The following ANKRD61 variants were observed in gnomAD, a reference collection of about 807,000 sequenced individuals.
The protein encoded by ANKRD61 is ankyrin repeat domain 61.
In ANKRD61, 7 loss-of-function variants were observed where a neutral mutation model predicts 8.4. That is an observed-to-expected ratio of 0.84 (90% CI 0.48 to 1.57). ANKRD61 has a LOEUF of 1.57. ANKRD61 is among the 40% of genes most tolerant of loss of function. The probability of loss-of-function intolerance (pLI) is 0.00; values close to 1 mark genes in which losing one functional copy is unlikely to be tolerated. For missense variants in ANKRD61, 516 were observed against 523.4 expected (o/e 0.99, Z 0.14); for synonymous variants, 198 against 208.0 (o/e 0.95, Z 0.41).
In ANKRD61 at chr7:6,032,607, T is replaced by C. The variant is rs1369870779; in HGVS notation, c.217-232T>C. On this transcript the variant is annotated intron_variant, in intron 1 of 2. Coordinates refer to ENST00000409061, the MANE Select transcript of ANKRD61 (RefSeq NM_001271700.2). The surrounding 1 kb of genome is among the most constrained non-coding windows in gnomAD (Gnocchi z 4.3). ...CAAAGCTTTTGAGTGTTATTTCTGT[T>C]GCCTCAGTAAATGTGCATTTCTGTG... is the stretch of plus-strand genomic sequence containing the variant. 6.6e-6 allele frequency among the ~76,000 whole-genome samples: 1 copy of C among 152,262 alleles called. No individual in the cohort carries two copies. Among genetic ancestry groups the C allele is most frequent in the Non-Finnish European group, 1.5e-5 (1 of 68,048 alleles).
intron 2 of ANKRD61, among the ~76,000 whole-genome samples, chr7:6,034,957 C>T (rs770860348): frequency 2.0e-5 from 3 of 152,112 alleles, no homozygotes; most frequent in East Asian, 1.9e-4. Flanking sequence ...AAGGAGTCAA[C>T]GGGAGTTCGG....
rs1288578266 is a variant in ANKRD61, at chr7:6,031,382, A to C, written c.7A>C (p.Asn3His). Residue 3 changes from asparagine (N) to histidine (H), a missense_variant, in exon 1 of 3, where the codon AAT (asparagine) becomes CAT (histidine). Physicochemically the swap from Asn to His is moderately conservative, Grantham distance 68. Transcript: ENST00000409061. ...GAAGTCTTAAGTTTTTCTCATGGGG[A>C]ATATAACCAGGAAAGGAAGCAGAGA... MG[N>H]ITRKGSRDLV... The C allele has an allele frequency of 1.3e-6, 2 of 1,550,476 alleles. No homozygotes were observed. Among genetic ancestry groups the C allele is most frequent in the African/African-American group, 2.7e-5 (2 of 73,000 alleles).
Position 6,035,506 on chromosome 7 carries a change from C to G in ANKRD61, c.377C>G (p.Thr126Arg). 1.3e-6 allele frequency: 2 copies of G among 1,551,140 alleles called. No homozygotes were observed. Among genetic ancestry groups the G allele is most frequent in the South Asian group, 1.2e-5 (1 of 84,058 alleles). ...CTGCACTGGCCAGTCACTTCCACCA[C>G]GTGGGCAAAACCAGGCAACAGAACG... ...MLLHWPVTST[T>R]WAKPGNRTHR... Residue 126 changes from threonine to arginine, a missense_variant, in exon 3 of 3, where the codon ACG (threonine) becomes AGG (arginine). Thr to Arg is a moderately conservative substitution (Grantham distance 71). Transcript: ENST00000409061. The surrounding 1 kb of genome is among the most constrained non-coding windows in gnomAD (Gnocchi z 5.5).
rs965807363 is a variant in ANKRD61 at position 6,032,830 on chromosome 7, C to T, written c.217-9C>T. 7 of 1,549,502 alleles carry T rather than the reference C, an allele frequency of 4.5e-6. No individual in the cohort carries two copies. Among genetic ancestry groups the T allele is most frequent in the Non-Finnish European group, 6.1e-6 (7 of 1,145,874 alleles). On this transcript the variant is annotated splice_polypyrimidine_tract_variant and intron_variant, in intron 1 of 2. Transcript: ENST00000409061. The surrounding 1 kb of genome is among the most constrained non-coding windows in gnomAD (Gnocchi z 4.3). ...GCCACTTGTAATGTGTTTTGTTTTC[C>T]CTCCAAAGCCGACAGAGTCTATCAT... is the stretch of plus-strand genomic sequence containing the variant.
chr7:6,036,314 C>G lies in ANKRD61; in HGVS notation c.1185C>G (p.His395Gln). 1 of 1,545,614 alleles carries G rather than the reference C, an allele frequency of 6.5e-7. No individual in the cohort carries two copies. Among genetic ancestry groups the G allele is most frequent in the Non-Finnish European group, 8.7e-7 (1 of 1,145,462 alleles). ...RNIYGEKYKQ[H>Q]LKQFLPVTIW... The stretch of plus-strand genomic sequence containing the variant: ...TTTATGGTGAGAAATACAAACAGCA[C>G]TTGAAGCAATTCCTCCCAGTGACAA... Residue 395 changes from histidine (H) to glutamine (Q), a missense_variant, in exon 3 of 3, where the codon CAC becomes CAG. By Grantham distance (24) the His-to-Gln change is conservative. Transcript: ENST00000409061. This position sits in a 1 kb window ranked among gnomAD's most constrained non-coding sequence, Gnocchi z 4.6.
chr7:6,034,786 G>A (rs867745563), intron 2 of ANKRD61, among the ~76,000 whole-genome samples: 1 of 152,186 alleles, frequency 6.6e-6, no homozygotes, highest in Non-Finnish European at 1.5e-5. Flanking sequence ...GCGCTTCTGA[G>A]ATGAGGGCCA....
rs1320367675 is a variant in ANKRD61, at chr7:6,032,470, C to A, written c.217-369C>A. Among the ~76,000 whole-genome samples, 3 of 152,234 alleles carry A rather than the reference C, an allele frequency of 2.0e-5. No individual in the cohort carries two copies. In the South Asian group the frequency reaches 6.2e-4, roughly 31 times the overall value. On this transcript the variant is annotated intron_variant, in intron 1 of 2. Coordinates refer to ENST00000409061, the MANE Select transcript of ANKRD61 (RefSeq NM_001271700.2). This position sits in a 1 kb window ranked among gnomAD's most constrained non-coding sequence, Gnocchi z 4.3. ...TAATACGACTTTGGCAACGACACAG[C>A]ACCTACTTGTCCATCACCCTGTGGG...
rs1788065228 is a variant in ANKRD61, at chr7:6,035,865, G to GC, written c.737dup (p.Ser247IlefsTer38). On this transcript the variant is annotated frameshift_variant, in exon 3 of 3. Transcript: ENST00000409061. LOFTEE classifies it low-confidence loss of function (END_TRUNC). This position sits in a 1 kb window ranked among gnomAD's most constrained non-coding sequence, Gnocchi z 5.5. The stretch of plus-strand genomic sequence containing the variant: ...GCCCCTGAAGCTTGCAGTGTGCACT[G>GC]CATCAAGCAAAGCAGGCCGACTCCT... The GC allele has an allele frequency of 1.6e-5, 24 of 1,547,728 alleles. No individual in the cohort carries two copies. Among genetic ancestry groups the GC allele is most frequent in the Non-Finnish European group, 2.0e-5 (23 of 1,145,010 alleles).
Position 6,035,763 on chromosome 7 carries a change from C to T in ANKRD61, c.634C>T (p.Leu212=). The T allele has an allele frequency of 6.4e-7, 1 of 1,551,130 alleles. No individual in the cohort carries two copies. The highest frequency in any genetic ancestry group is 2.4e-5 in the East Asian group (1 of 40,930). Residue 212 remains leucine, a synonymous_variant, in exon 3 of 3, where the codon CTG becomes TTG. Coordinates refer to ENST00000409061, the MANE Select transcript of ANKRD61 (RefSeq NM_001271700.2). This position sits in a 1 kb window ranked among gnomAD's most constrained non-coding sequence, Gnocchi z 5.5. The part of the protein sequence containing the change: ...MTPLHMAANM[L]NKEMMETLIA... ...ACCCCTTCACATGGCCGCAAACATG[C>T]TGAATAAGGAGATGATGGAAACGCT...
chr7:6,032,861 T>C lies in ANKRD61; in HGVS notation c.239T>C (p.Ile80Thr). ...LTQPTESIIP[I>T]HLAAKYHKAQ... is the part of the protein sequence containing the mutation. ...AAGCCGACAGAGTCTATCATCCCCA[T>C]CCATCTGGCTGCCAAGTACCACAAG... is the stretch of plus-strand genomic sequence containing the variant. Residue 80 changes from isoleucine to threonine, a missense_variant, in exon 2 of 3, where the codon ATC becomes ACC. Coordinates refer to ENST00000409061, the MANE Select transcript of ANKRD61 (RefSeq NM_001271700.2). This position sits in a 1 kb window ranked among gnomAD's most constrained non-coding sequence, Gnocchi z 4.3. 1.9e-6 allele frequency: 3 copies of C among 1,551,020 alleles called. No homozygotes were observed. Among genetic ancestry groups the C allele is most frequent in the Non-Finnish European group, 2.6e-6 (3 of 1,146,978 alleles).
At chr7:6,031,832 T>C (rs375964489) in intron 1 of ANKRD61, among the ~76,000 whole-genome samples, 1 of 152,192 alleles carries the variant, frequency 6.6e-6, no homozygotes, top group Non-Finnish European at 1.5e-5. Flanking sequence ...ATTCATGTCA[T>C]CTCTCAAACA....
intron 2 of ANKRD61, among the ~76,000 whole-genome samples, chr7:6,034,781 T>C (rs1311465868): frequency 1.3e-5 from 2 of 152,218 alleles, no homozygotes; most frequent in African/African-American, 4.8e-5. Context: ...TGAAAGCGCT[T>C]CTGAGATGAG....
Position 6,032,970 on chromosome 7 carries a change from T to C in ANKRD61, c.314+34T>C, listed in dbSNP as rs1159349594. On this transcript the variant is annotated intron_variant, in intron 2 of 2. Transcript: ENST00000409061. The surrounding 1 kb of genome is among the most constrained non-coding windows in gnomAD (Gnocchi z 4.3). The stretch of plus-strand genomic sequence containing the variant: ...ACTCCACCGAAAATCATTTCTTTTT[T>C]TTTCTTTTTTGTTTTGAGGCAGGGG... 1 of 1,528,456 alleles carries C rather than the reference T, an allele frequency of 6.5e-7. No homozygotes were observed. Among genetic ancestry groups the C allele is most frequent in the South Asian group, 1.2e-5 (1 of 83,490 alleles). The allele number at this position is 1,528,456 out of a possible 1,614,324, so 94.7% of individuals were successfully genotyped here. A position where few individuals can be genotyped will look rare whatever the true frequency, so the allele number is the denominator to read the frequency against.
At position 6,032,697 on chromosome 7, in the gene ANKRD61, A is replaced by C. The variant is rs1426171652; in HGVS notation, c.217-142A>C. The C allele has an allele frequency of 1.8e-6, 1 of 570,640 alleles. No individual in the cohort carries two copies. The highest frequency in any genetic ancestry group is 3.0e-6 in the Non-Finnish European group (1 of 334,460). The allele number at this position is 570,640 out of a possible 1,614,324, so 35.3% of individuals were successfully genotyped here. A position where few individuals can be genotyped will look rare whatever the true frequency, so the allele number is the denominator to read the frequency against. On this transcript the variant is annotated intron_variant, in intron 1 of 2. Transcript: ENST00000409061. This position sits in a 1 kb window ranked among gnomAD's most constrained non-coding sequence, Gnocchi z 4.3. ...TCATTTAAAACAGGTAGTAGAAAGG[A>C]AACTTTCAATGCACATACCAGAAAA...
In ANKRD61 at chr7:6,035,308, C is replaced by A; in HGVS notation, c.315-136C>A. On this transcript the variant is annotated intron_variant, in intron 2 of 2. Coordinates refer to ENST00000409061, the MANE Select transcript of ANKRD61 (RefSeq NM_001271700.2). This position sits in a 1 kb window ranked among gnomAD's most constrained non-coding sequence, Gnocchi z 5.5. Reference sequence around the variant, plus strand: ...TAGCCTGAGAAACTACCCAGCGATACAGATTTTGAAACACGTCCTTAAGGT... The same window carrying A: ...TAGCCTGAGAAACTACCCAGCGATAAAGATTTTGAAACACGTCCTTAAGGT... The A allele has an allele frequency of 2.2e-6, 2 of 905,802 alleles. No individual in the cohort carries two copies. Among genetic ancestry groups the A allele is most frequent in the Non-Finnish European group, 3.3e-6 (2 of 613,886 alleles). The allele number at this position is 905,802 out of a possible 1,614,324, so 56.1% of individuals were successfully genotyped here.
In ANKRD61 at chr7:6,035,396, C is replaced by T. The variant is rs1028522604; in HGVS notation, c.315-48C>T. 7.4e-6 allele frequency: 11 copies of T among 1,493,884 alleles called. No individual in the cohort carries two copies. The highest frequency in any genetic ancestry group is 1.7e-4 in the Middle Eastern group (1 of 5,822). 92.5% of individuals were successfully genotyped at this position (1,493,884 alleles called of 1,614,324 possible). On this transcript the variant is annotated intron_variant, in intron 2 of 2. Coordinates refer to ENST00000409061, the MANE Select transcript of ANKRD61 (RefSeq NM_001271700.2). This position sits in a 1 kb window ranked among gnomAD's most constrained non-coding sequence, Gnocchi z 5.5. ...TAAGCATTAACTGTCCACGTAGAGC[C>T]GTTCCCACTGTGAATTCAGTGTAAC...
In ANKRD61 at chr7:6,036,125, C is replaced by A; in HGVS notation, c.996C>A (p.Ala332=). The A allele has an allele frequency of 6.4e-7, 1 of 1,550,664 alleles. No homozygotes were observed. The highest frequency in any genetic ancestry group is 8.7e-7 in the Non-Finnish European group (1 of 1,147,038). The change falls in exon 3 of 3, where the codon GCC becomes GCA. Residue 332 remains alanine (A), a synonymous_variant. Coordinates refer to ENST00000409061, the MANE Select transcript of ANKRD61 (RefSeq NM_001271700.2). This position sits in a 1 kb window ranked among gnomAD's most constrained non-coding sequence, Gnocchi z 4.6. ...ATGTAAGAGATACGGCACTTCTGGCCAGGCTACTTTATCACACTTATCCTC... is the reference window on the plus strand; with the variant it reads ...ATGTAAGAGATACGGCACTTCTGGCAAGGCTACTTTATCACACTTATCCTC... ...SCNVRDTALL[A]RLLYHTYPLR...
At chr7:6,034,612 C>G (rs909606067) in intron 2 of ANKRD61, among the ~76,000 whole-genome samples, 2 of 152,186 alleles carry the variant, frequency 1.3e-5, no homozygotes, top group Admixed American at 6.5e-5. Flanking sequence ...GACTATAAGC[C>G]CTACAAAGGT....
At chr7:6,034,612 C>T (rs909606067) in intron 2 of ANKRD61, among the ~76,000 whole-genome samples, 16 of 152,186 alleles carry the variant, frequency 1.1e-4, no homozygotes, top group Non-Finnish European at 1.8e-4. Flanking sequence ...GACTATAAGC[C>T]CTACAAAGGT....
Sources: allele counts gnomAD v4.1 joint callset (sites outside exome capture counted in the v4.1 genomes callset), GRCh38; gene constraint gnomAD v4.1.1; non-coding constraint Gnocchi (gnomAD v3.1); transcripts MANE v1.5; gene names NCBI Gene and HGNC (gene_info 2026-07-23, HGNC 2026-07-21).